GOLGB1: variants seen among roughly 807,000 people sequenced by gnomAD.
The protein encoded by GOLGB1 is golgin subfamily B member 1.
In GOLGB1, 174 loss-of-function variants were observed where a neutral mutation model predicts 336.9. The observed-to-expected ratio is 0.52, with a 90% CI of 0.46 to 0.59. The LOEUF (loss-of-function observed/expected upper bound fraction) is 0.59, where lower values mean the gene tolerates loss of function less well. Ranked by LOEUF, GOLGB1 falls within the 20% of genes least tolerant of loss-of-function variation. GOLGB1 has a pLI of 0.00. For synonymous variants in GOLGB1, 1,208 were observed against 1,289.2 expected (o/e 0.94, Z 1.35); for missense variants, 3,331 against 3,645.3 (o/e 0.91, Z 2.22).
chr3:121,702,434 C>G, intron 11 of GOLGB1, 47 bp downstream of exon 11: 1 of 768,654 alleles, frequency 1.3e-6, no homozygotes, highest in Non-Finnish European at 2.0e-6. Context: ...AGTAGAGGCA[C>G]TTGTGGGATA....
At position 121,716,685 on chromosome 3, in the gene GOLGB1, C is replaced by T. The variant is rs546856786; in HGVS notation, c.1288+52G>A. On this transcript the variant is annotated intron_variant, in intron 9 of 21. Coordinates refer to ENST00000614479, the MANE Select transcript of GOLGB1 (RefSeq NM_001366282.2). ...AACAGATCCCTGAAAATATGAAATA[C>T]AAGCCACTCAGATGGTAGAGATGTG... The T allele has an allele frequency of 3.8e-5, 53 of 1,391,892 alleles. No individual in the cohort carries two copies. The South Asian group carries it at 6.9e-4, about 18-fold the overall frequency. The allele number at this position is 1,391,892 out of a possible 1,614,324, so 86.2% of individuals were successfully genotyped here.
intron 14 of GOLGB1, among the ~76,000 whole-genome samples, chr3:121,689,591 A>G (rs2107762231): frequency 6.7e-6 from 1 of 149,648 alleles, no homozygotes; most frequent in Admixed American, 6.7e-5. Flanking sequence ...TCCCTCCACT[A>G]TTGTCCTATG....
chr3:121,747,351 G>GTATATACGTATATATACGTATATGTC (rs1455089568), intron 1 of GOLGB1, among the ~76,000 whole-genome samples: 146 of 135,402 alleles, frequency 1.1e-3, no homozygotes, highest in Non-Finnish European at 1.8e-3. Context: ...ATATATATGT[G>GTATATACGTATATATACGTATATGTC]TATATACGTA....
chr3:121,743,267 AT>A (rs1947009809), intron 1 of GOLGB1, among the ~76,000 whole-genome samples: 1 of 152,224 alleles, frequency 6.6e-6, no homozygotes, highest in African/African-American at 2.4e-5. Context: ...CATATACACC[AT>A]GGAATACTAT....
chr3:121,715,726 C>T (rs1944712614), intron 9 of GOLGB1, among the ~76,000 whole-genome samples: 2 of 152,032 alleles, frequency 1.3e-5, no homozygotes, highest in South Asian at 4.2e-4. Context: ...GGCACAATGG[C>T]TCACGCCTGT....
Position 121,691,358 on chromosome 3 carries a change from C to T in GOLGB1, c.8006G>A (p.Cys2669Tyr), listed in dbSNP as rs551841076. Residue 2669 changes from cysteine to tyrosine, a missense_variant, in exon 14 of 22, where the codon TGT (cysteine) becomes TAT (tyrosine). By Grantham distance (194) the Cys-to-Tyr change is radical. Transcript: ENST00000614479. Reference sequence around the variant, plus strand: ...CTTCTTGGCAGCTTCCTTTTGAACACAAACCAATTCTTCTTCCAGTTCTGC... The same window carrying T: ...CTTCTTGGCAGCTTCCTTTTGAACATAAACCAATTCTTCTTCCAGTTCTGC... Reference protein sequence around the residue: ...RIAELEEELVCVQKEAAKKVG... With the variant: ...RIAELEEELVYVQKEAAKKVG... The T allele has an allele frequency of 2.7e-5, 44 of 1,612,772 alleles. No individual in the cohort carries two copies. The highest frequency in any genetic ancestry group is 3.6e-5 in the Non-Finnish European group (42 of 1,179,798).
chr3:121,726,450 A>G (rs1428929044), intron 5 of GOLGB1, among the ~76,000 whole-genome samples: 30 of 148,606 alleles, frequency 2.0e-4, no homozygotes, highest in South Asian at 6.3e-4. Flanking sequence ...AAAAAAAAAA[A>G]AAAAGAAAAG....
chr3:121,726,467 A>G (rs1176838097), intron 5 of GOLGB1, among the ~76,000 whole-genome samples: 1 of 150,286 alleles, frequency 6.7e-6, no homozygotes, highest in Admixed American at 6.6e-5. Context: ...AAAGAAAAGA[A>G]AAAAAAATTA....
intron 6 of GOLGB1, among the ~76,000 whole-genome samples, chr3:121,721,075 T>A (rs1945159319): frequency 6.6e-6 from 1 of 152,158 alleles, no homozygotes; most frequent in African/African-American, 2.4e-5. Context: ...CTGCACTGTA[T>A]ATAGTGCTTA....
chr3:121,736,761 G>A (rs1260878196), intron 1 of GOLGB1, among the ~76,000 whole-genome samples: 2 of 152,018 alleles, frequency 1.3e-5, no homozygotes, highest in African/African-American at 2.4e-5. Context: ...AAAATTAGCC[G>A]GGTGTGGTGG....
At position 121,726,899 on chromosome 3, in the gene GOLGB1, A is replaced by G. The variant is rs1188152220; in HGVS notation, c.531+14T>C. ...TCATTAACCTAATGATTATGAAGTA[A>G]CTTCCACCCCTACCTGTGCAGGTTG... is the stretch of plus-strand genomic sequence containing the variant. On this transcript the variant is annotated intron_variant, in intron 5 of 21. Coordinates refer to ENST00000614479, the MANE Select transcript of GOLGB1 (RefSeq NM_001366282.2). 6.4e-7 allele frequency: 1 copy of G among 1,556,110 alleles called. No homozygotes were observed. Among genetic ancestry groups the G allele is most frequent in the African/African-American group, 1.4e-5 (1 of 72,388 alleles).
In GOLGB1 at chr3:121,697,777, T is replaced by C; in HGVS notation, c.2746A>G (p.Thr916Ala). Residue 916 changes from threonine to alanine, a missense_variant, in exon 13 of 22, where the codon ACT (threonine) becomes GCT (alanine). Transcript: ENST00000614479. ...TCATTAAGCTGAACCATTTTCTCAGTCATACTAAAGCTGATTTCTGTCACT... is the reference window on the plus strand; with the variant it reads ...TCATTAAGCTGAACCATTTTCTCAGCCATACTAAAGCTGATTTCTGTCACT... ...QQVTEISFSM[T>A]EKMVQLNEEK... 1 of 1,614,006 alleles carries C rather than the reference T, an allele frequency of 6.2e-7. No homozygotes were observed. Among genetic ancestry groups the C allele is most frequent in the Non-Finnish European group, 8.5e-7 (1 of 1,179,878 alleles).
chr3:121,673,849 T>C lies in GOLGB1; in HGVS notation c.9177+3044A>G, dbSNP rs548411183. Among the ~76,000 whole-genome samples the C allele has an allele frequency of 2.8e-4, 43 of 152,142 alleles. 1 individual carries two copies. In the South Asian group the frequency reaches 6.9e-3, roughly 24 times the overall value. On this transcript the variant is annotated intron_variant, in intron 17 of 21. Coordinates refer to ENST00000614479, the MANE Select transcript of GOLGB1 (RefSeq NM_001366282.2). Reference sequence around the variant, plus strand: ...GATTCACATGCCTCAGCCACCCGAGTAGCTGGGATTACAGGCGTGCACCAC... The same window carrying C: ...GATTCACATGCCTCAGCCACCCGAGCAGCTGGGATTACAGGCGTGCACCAC...
chr3:121,697,543 C>T lies in GOLGB1; in HGVS notation c.2980G>A (p.Glu994Lys), dbSNP rs764788648. ...HEFDLLKKEN[E>K]QRKRKLQAAL... ...GCCTGGAGCTTTCTCTTTCTCTGCT[C>T]ATTTTCTTTCTTCAGAAGGTCAAAT... The change falls in exon 13 of 22, where the codon GAG becomes AAG. Residue 994 changes from glutamate (E) to lysine (K), a missense_variant. By Grantham distance (56) the Glu-to-Lys change is moderately conservative. Transcript: ENST00000614479. 1 of 1,613,736 alleles carries T rather than the reference C, an allele frequency of 6.2e-7. No individual in the cohort carries two copies. The highest frequency in any genetic ancestry group is 1.7e-5 in the Admixed American group (1 of 60,004).
rs564033756 is a variant in GOLGB1, at chr3:121,703,687, T to C, written c.1405-1092A>G. Among the ~76,000 whole-genome samples, 3 of 152,298 alleles carry C rather than the reference T, an allele frequency of 2.0e-5. No individual in the cohort carries two copies. The South Asian group carries it at 6.2e-4, about 32-fold the overall frequency. On this transcript the variant is annotated intron_variant, in intron 10 of 21. Coordinates refer to ENST00000614479, the MANE Select transcript of GOLGB1 (RefSeq NM_001366282.2). ...GTCTGATAAAAAGTAATTGAAATTT[T>C]AGAAATAACAAAATAAAATCTTGAG...
Position 121,667,909 on chromosome 3 carries a change from T to C in GOLGB1, c.9419+152A>G, listed in dbSNP as rs1938866456. The C allele has an allele frequency of 7.1e-6, 4 of 564,572 alleles. No individual in the cohort carries two copies. In the South Asian group the frequency reaches 1.1e-4, roughly 16 times the overall value. The allele number at this position is 564,572 out of a possible 1,614,324, so 35.0% of individuals were successfully genotyped here. On this transcript the variant is annotated intron_variant, in intron 19 of 21. Coordinates refer to ENST00000614479, the MANE Select transcript of GOLGB1 (RefSeq NM_001366282.2). Reference sequence around the variant, plus strand: ...TTTCACACACAAATGTTAGTTATTATTGTTACTATTTGATCCTCACATCAC... The same window carrying C: ...TTTCACACACAAATGTTAGTTATTACTGTTACTATTTGATCCTCACATCAC...
At chr3:121,738,034 T>TA (rs962651207) in intron 1 of GOLGB1, among the ~76,000 whole-genome samples, 5 of 152,188 alleles carry the variant, frequency 3.3e-5, no homozygotes, top group African/African-American at 7.2e-5. Context: ...TAGTCAGGAT[T>TA]AAAAAATCAC....
rs575521416 is a variant in GOLGB1, at chr3:121,683,193, C to T, written c.8695-1328G>A. Among the ~76,000 whole-genome samples, 22 of 150,802 alleles carry T rather than the reference C, an allele frequency of 1.5e-4. No homozygotes were observed. The East Asian group carries it at 1.9e-3, about 13-fold the overall frequency. ...CTGGGATTACAGGCGTGAGCCACTG[C>T]GCCCGGCCAGAAAACAACTTCATTT... is the stretch of plus-strand genomic sequence containing the variant. On this transcript the variant is annotated intron_variant, in intron 14 of 21. Coordinates refer to ENST00000614479, the MANE Select transcript of GOLGB1 (RefSeq NM_001366282.2).
intron 17 of GOLGB1, among the ~76,000 whole-genome samples, chr3:121,672,116 T>C (rs1939626065): frequency 6.6e-6 from 1 of 152,208 alleles, no homozygotes; most frequent in African/African-American, 2.4e-5. Context: ...AGTACAGATG[T>C]CTTTTTGATA....
Sources: allele counts gnomAD v4.1 joint callset (sites outside exome capture counted in the v4.1 genomes callset), GRCh38; gene constraint gnomAD v4.1.1; transcripts MANE v1.5; gene names NCBI Gene and HGNC (gene_info 2026-07-23, HGNC 2026-07-21).